Variants in CERS1 observed in about 807,000 individuals in gnomAD.
The protein encoded by CERS1 is ceramide synthase 1.
CERS1 carries 16 observed loss-of-function variants against 35.7 expected under a neutral mutation model. That is an observed-to-expected ratio of 0.45 (90% CI 0.30 to 0.68). CERS1 has a LOEUF of 0.68. Ranked by LOEUF, CERS1 falls within the 30% of genes least tolerant of loss-of-function variation. CERS1 has a pLI of 0.08. For missense variants in CERS1, 454 were observed against 453.9 expected (o/e 1.00, Z 0.00); for synonymous variants, 243 against 201.6 (o/e 1.21, Z -1.74).
chr19:18,872,553 T>A lies in CERS1; in HGVS notation c.1011-1934A>T, dbSNP rs373987166. Among the ~76,000 whole-genome samples the A allele has an allele frequency of 5.6e-4, 85 of 151,592 alleles. No individual in the cohort carries two copies. In the South Asian group the frequency reaches 0.016, roughly 28 times the overall value. ...TTTTTGAGACGAAGTCTCGCTCTTG[T>A]CCCCCAGGCGGGAATGCGGTGGCAC... On this transcript the variant is annotated intron_variant, in intron 6 of 7. Transcript: ENST00000623882.
chr19:18,885,515 T>TTTTTG (rs1555705559), intron 2 of CERS1, among the ~76,000 whole-genome samples: 1 of 19,424 alleles, frequency 5.1e-5, no homozygotes, highest in African/African-American at 1.5e-4. Flanking sequence ...CTTCTCGTTT[T>TTTTTG]TTTTTTTTTT....
intron 7 of CERS1, 84 bp from the exon 8 acceptor site, chr19:18,869,474 G>A (rs1351197747): frequency 6.8e-7 from 1 of 1,461,034 alleles, no homozygotes; most frequent in African/African-American, 1.4e-5. Context: ...GGAGGAAGGT[G>A]AACGCTGGGG....
At chr19:18,891,293 C>T (rs2056484911) in intron 2 of CERS1, among the ~76,000 whole-genome samples, 3 of 152,168 alleles carry the variant, frequency 2.0e-5, no homozygotes, top group Non-Finnish European at 2.9e-5. Flanking sequence ...ACCAGGAGCC[C>T]TCTAGGCTGT....
rs963148702 is a variant in CERS1 at position 18,895,148 on chromosome 19, G to A, written c.249+676C>T. Among the ~76,000 whole-genome samples the A allele has an allele frequency of 1.3e-5, 2 of 152,264 alleles. No individual in the cohort carries two copies. Among genetic ancestry groups the A allele is most frequent in the African/African-American group, 4.8e-5 (2 of 41,474 alleles). On this transcript the variant is annotated intron_variant, in intron 1 of 7. Coordinates refer to ENST00000623882, the MANE Select transcript of CERS1 (RefSeq NM_021267.5). This position sits in a 1 kb window ranked among gnomAD's most constrained non-coding sequence, Gnocchi z 6.4. ...TGTCACCTCCAAGGGAGCGACCACT[G>A]GCGTGGCCAGAGCACCCAGGCCCTT...
At chr19:18,883,866 G>A (rs1028785483) in intron 3 of CERS1, among the ~76,000 whole-genome samples, 2 of 152,170 alleles carry the variant, frequency 1.3e-5, no homozygotes, top group South Asian at 2.1e-4. Flanking sequence ...CCATCCCAGC[G>A]GAATCTCCCT....
rs1374303392 is a variant in CERS1 at position 18,870,697 on chromosome 19, C to A, written c.1011-78G>T. The A allele has an allele frequency of 4.0e-6, 2 of 501,140 alleles. No homozygotes were observed. Among genetic ancestry groups the A allele is most frequent in the Non-Finnish European group, 3.6e-6 (1 of 276,808 alleles). The allele number at this position is 501,140 out of a possible 1,614,324, so 31.0% of individuals were successfully genotyped here. A position where few individuals can be genotyped will look rare whatever the true frequency, so the allele number is the denominator to read the frequency against. On this transcript the variant is annotated intron_variant, in intron 6 of 7. Transcript: ENST00000623882. The surrounding 1 kb of genome is among the most constrained non-coding windows in gnomAD (Gnocchi z 5.1). ...GCCCTCTTTCCCGCTTCTTCTCTGGCCGTTTCACACCCCCTGGCTCCTTTT... is the reference window on the plus strand; with the variant it reads ...GCCCTCTTTCCCGCTTCTTCTCTGGACGTTTCACACCCCCTGGCTCCTTTT...
chr19:18,878,913 G>A lies in CERS1; in HGVS notation c.1010+17C>T. The A allele has an allele frequency of 6.2e-7, 1 of 1,612,738 alleles. No individual in the cohort carries two copies. Among genetic ancestry groups the A allele is most frequent in the African/African-American group, 1.3e-5 (1 of 75,022 alleles). On this transcript the variant is annotated intron_variant, in intron 6 of 7. Coordinates refer to ENST00000623882, the MANE Select transcript of CERS1 (RefSeq NM_021267.5). The surrounding 1 kb of genome is among the most constrained non-coding windows in gnomAD (Gnocchi z 4.6). The stretch of plus-strand genomic sequence containing the variant: ...ACTAAAGGAGGGAACGCGGGGTGCG[G>A]GCCCCTCCACACTCACTCGGCTTTG...
chr19:18,893,712 C>G (rs1387894638), intron 1 of CERS1, 137 bp from the exon 2 acceptor site: 2 of 866,294 alleles, frequency 2.3e-6, no homozygotes, highest in African/African-American at 3.4e-5. Flanking sequence ...CCCACAGCCA[C>G]CTGGAGCATA....
chr19:18,896,221 C>T (rs895696678), upstream of CERS1: 2 of 176,332 alleles, frequency 1.1e-5, no homozygotes, highest in Admixed American at 6.7e-5. The surrounding 1 kb of genome is among the most constrained non-coding windows in gnomAD (Gnocchi z 5.9). Context: ...CAAGCTCCGC[C>T]CCGCTGGGGG....
At chr19:18,889,379 A>AG (rs2056439107) in intron 2 of CERS1, among the ~76,000 whole-genome samples, 3 of 151,894 alleles carry the variant, frequency 2.0e-5, no homozygotes, top group South Asian at 2.1e-4. Flanking sequence ...CCCACAGGAT[A>AG]GGGGGGAAGT....
chr19:18,880,140 C>A, intron 4 of CERS1, 134 bp downstream of exon 4: 1 of 864,334 alleles, frequency 1.2e-6, no homozygotes, highest in Non-Finnish European at 1.7e-6. Context: ...AATCATGAGG[C>A]CCCTCCCCTG....
At chr19:18,876,316 C>T (rs1002438363) in intron 6 of CERS1, among the ~76,000 whole-genome samples, 1 of 151,002 alleles carries the variant, frequency 6.6e-6, no homozygotes, top group Admixed American at 6.6e-5. Context: ...TCTCTCATAC[C>T]TGTTTTTAAA....
At chr19:18,879,755 A>C (rs1326173598) in intron 4 of CERS1, among the ~76,000 whole-genome samples, 10 of 25,806 alleles carry the variant, frequency 3.9e-4, no homozygotes, top group South Asian at 1.3e-3. Flanking sequence ...CCACCTCACC[A>C]AGGCCCCACC....
intron 6 of CERS1, among the ~76,000 whole-genome samples, chr19:18,877,016 G>A (rs947128668): frequency 1.3e-5 from 2 of 152,096 alleles, no homozygotes; most frequent in Non-Finnish European, 2.9e-5. Context: ...GCATCCTGAC[G>A]GGCTCTTTTG....
rs1156602877 is a variant in CERS1 at position 18,895,806 on chromosome 19, GC to G, written c.249+17del. ...CCCAGTCCGGGGTCCCCTCGTCCCG[GC>G]CCCCGGCCACACTGACCCGAAAGAG... On this transcript the variant is annotated intron_variant, in intron 1 of 7. Transcript: ENST00000623882. This position sits in a 1 kb window ranked among gnomAD's most constrained non-coding sequence, Gnocchi z 6.4. 3.3e-5 allele frequency: 40 copies of G among 1,222,930 alleles called. No individual in the cohort carries two copies. Among genetic ancestry groups the G allele is most frequent in the South Asian group, 1.8e-4 (8 of 43,296 alleles). 75.8% of individuals were successfully genotyped at this position (1,222,930 alleles called of 1,614,324 possible). A position where few individuals can be genotyped will look rare whatever the true frequency, so the allele number is the denominator to read the frequency against.
At chr19:18,871,076 C>T (rs2055960834) in intron 6 of CERS1, among the ~76,000 whole-genome samples, 1 of 152,008 alleles carries the variant, frequency 6.6e-6, no homozygotes, top group Admixed American at 6.5e-5. Context: ...TACTTCCCTT[C>T]CATGTTCTTT....
At position 18,870,260 on chromosome 19, in the gene CERS1, G is replaced by A. The variant is rs1358249299; in HGVS notation, c.*317C>T. The A allele has an allele frequency of 3.9e-6, 6 of 1,524,736 alleles. No homozygotes were observed. The South Asian group carries it at 6.0e-5, about 15-fold the overall frequency. The allele number at this position is 1,524,736 out of a possible 1,614,324, so 94.5% of individuals were successfully genotyped here. ...GCAGCGAGGGCAGCAGCAGGGCCAGGAGGAGGAGGAGGTGGTGGCCGCAGG... is the reference window on the plus strand; with the variant it reads ...GCAGCGAGGGCAGCAGCAGGGCCAGAAGGAGGAGGAGGTGGTGGCCGCAGG... On this transcript the variant is annotated 3_prime_UTR_variant, in exon 7 of 8. Coordinates refer to ENST00000623882, the MANE Select transcript of CERS1 (RefSeq NM_021267.5). The surrounding 1 kb of genome is among the most constrained non-coding windows in gnomAD (Gnocchi z 5.1).
rs2055942911 is a variant in CERS1 at position 18,870,229 on chromosome 19, T to G, written c.*348A>C. 6.5e-7 allele frequency: 1 copy of G among 1,545,562 alleles called. No homozygotes were observed. Among genetic ancestry groups the G allele is most frequent in the East Asian group, 2.4e-5 (1 of 42,282 alleles). ...GGGCCTGGGGGCACGGGGGCGCGGG[T>G]CAGGGGCAGCGAGGGCAGCAGCAGG... On this transcript the variant is annotated 3_prime_UTR_variant, in exon 7 of 8. Transcript: ENST00000623882. This position sits in a 1 kb window ranked among gnomAD's most constrained non-coding sequence, Gnocchi z 5.1.
chr19:18,893,847 G>C (rs2056558707), intron 1 of CERS1, among the ~76,000 whole-genome samples: 1 of 151,990 alleles, frequency 6.6e-6, no homozygotes, highest in Non-Finnish European at 1.5e-5. Flanking sequence ...GGCCAGAAGG[G>C]GGACACTTGG....
Sources: gnomAD v4.1 joint callset for allele counts (sites outside exome capture counted in the v4.1 genomes callset) on GRCh38, gnomAD v4.1.1 for gene constraint, Gnocchi (gnomAD v3.1) non-coding constraint, MANE v1.5 for transcripts, NCBI Gene and HGNC (gene_info 2026-07-23, HGNC 2026-07-21) for gene names.